The following PARVA variants were observed in gnomAD, a reference collection of about 807,000 sequenced individuals.
PARVA encodes the protein parvin alpha, also known as alpha-parvin.
In PARVA, 25 loss-of-function variants were observed where a neutral mutation model predicts 52.6. That is an observed-to-expected ratio of 0.48 (90% CI 0.35 to 0.66). The LOEUF is 0.66. Ranked by LOEUF, PARVA falls within the 30% of genes least tolerant of loss-of-function variation. The probability of loss-of-function intolerance (pLI) is 0.01; values close to 1 mark genes in which losing one functional copy is unlikely to be tolerated. For missense variants in PARVA, 373 were observed against 450.9 expected (o/e 0.83, Z 1.56); for synonymous variants, 185 against 179.1 (o/e 1.03, Z -0.26).
At chr11:12,473,642 T>A in intron 1 of PARVA, 103 bp from the exon 2 acceptor site, 1 of 827,692 alleles carries the variant, frequency 1.2e-6, no homozygotes, top group East Asian at 2.7e-5. Flanking sequence ...CTACCCTTAG[T>A]GGGTTTTTTT....
intron 10 of PARVA, among the ~76,000 whole-genome samples, chr11:12,517,303 A>ACCCCCCCCCCCCCC (rs1564869136): frequency 5.3e-5 from 6 of 112,482 alleles, no homozygotes; most frequent in South Asian, 7.3e-4. Flanking sequence ...AGCCACACTG[A>ACCCCCCCCCCCCCC]CCACCCCCCA....
intron 1 of PARVA, among the ~76,000 whole-genome samples, chr11:12,470,990 G>A (rs890711527): frequency 2.0e-5 from 3 of 152,200 alleles, no homozygotes; most frequent in Admixed American, 1.3e-4. Context: ...GAAGTGTTTG[G>A]AATTGGGTCC....
At chr11:12,432,934 G>A (rs568452955) in intron 1 of PARVA, among the ~76,000 whole-genome samples, 6 of 152,322 alleles carry the variant, frequency 3.9e-5, no homozygotes, top group South Asian at 4.1e-4. Flanking sequence ...TGTCGTAGCC[G>A]TGGTACTGAA....
At chr11:12,483,310 T>A (rs1267097914) in intron 4 of PARVA, among the ~76,000 whole-genome samples, 1 of 152,112 alleles carries the variant, frequency 6.6e-6, no homozygotes, top group East Asian at 1.9e-4. Flanking sequence ...GACAAGGATG[T>A]GGGTGGAGGA....
chr11:12,513,162 C>T, intron 8 of PARVA, 137 bp from the exon 9 acceptor site: 3 of 783,016 alleles, frequency 3.8e-6, no homozygotes, highest in Non-Finnish European at 2.3e-6. Context: ...GAGTTCCCGG[C>T]ACAGTCTATA....
intron 4 of PARVA, among the ~76,000 whole-genome samples, chr11:12,484,504 G>GGT (rs35501237): frequency 0.025 from 3,560 of 144,602 alleles, 139 homozygotes; most frequent in African/African-American, 0.086. Context: ...GTTTTGTTTT[G>GGT]GTGTGTGTGT....
chr11:12,400,842 CT>C (rs1344831999), intron 1 of PARVA, among the ~76,000 whole-genome samples: 1 of 152,122 alleles, frequency 6.6e-6, no homozygotes, highest in Non-Finnish European at 1.5e-5. Context: ...TTCTAGATGC[CT>C]GAACACAAAT....
chr11:12,513,957 G>C, intron 9 of PARVA, 40 bp from the exon 10 acceptor site: 1 of 1,547,880 alleles, frequency 6.5e-7, no homozygotes, highest in Non-Finnish European at 8.9e-7. Context: ...CTGCACTAGT[G>C]CGAGTCCCCA....
chr11:12,453,274 AG>A (rs1294268425), intron 1 of PARVA, among the ~76,000 whole-genome samples: 1 of 152,106 alleles, frequency 6.6e-6, no homozygotes, highest in African/African-American at 2.4e-5. Flanking sequence ...GAAGGGGTGA[AG>A]ATGAACAAAG....
At chr11:12,409,014 G>C (rs995925102) in intron 1 of PARVA, among the ~76,000 whole-genome samples, 2 of 152,238 alleles carry the variant, frequency 1.3e-5, no homozygotes, top group Admixed American at 1.3e-4. Context: ...GAGGACCTGG[G>C]AGAGGCCGAG....
At chr11:12,443,169 C>CTTTTTCT (rs1554896270) in intron 1 of PARVA, among the ~76,000 whole-genome samples, 14 of 78,328 alleles carry the variant, frequency 1.8e-4, no homozygotes, top group Non-Finnish European at 2.7e-4. Context: ...CGCCCCCCTT[C>CTTTTTCT]TTTTTTTTTT....
At chr11:12,445,435 C>A (rs1406142081) in intron 1 of PARVA, among the ~76,000 whole-genome samples, 2 of 152,122 alleles carry the variant, frequency 1.3e-5, no homozygotes, top group Non-Finnish European at 2.9e-5. Flanking sequence ...ATTGTCTCTC[C>A]CCTCTCTCCC....
At chr11:12,412,412 G>C (rs1007097925) in intron 1 of PARVA, among the ~76,000 whole-genome samples, 1 of 152,168 alleles carries the variant, frequency 6.6e-6, no homozygotes, top group African/African-American at 2.4e-5. Context: ...TTTTAAGGCC[G>C]TTTTCTCCCT....
chr11:12,508,124 C>CAAA (rs199719161), intron 6 of PARVA, among the ~76,000 whole-genome samples: 2 of 105,244 alleles, frequency 1.9e-5, no homozygotes, highest in Non-Finnish European at 4.2e-5. Flanking sequence ...AAAAAAAAAC[C>CAAA]AAAAAAAAAA....
intron 1 of PARVA, among the ~76,000 whole-genome samples, chr11:12,428,453 C>T (rs1940269317): frequency 6.6e-6 from 1 of 152,176 alleles, no homozygotes; most frequent in South Asian, 2.1e-4. Context: ...AGGGCTGGGG[C>T]CTGAGGACTG....
intron 1 of PARVA, among the ~76,000 whole-genome samples, chr11:12,444,177 G>A (rs1940511376): frequency 6.6e-6 from 1 of 152,166 alleles, no homozygotes; most frequent in African/African-American, 2.4e-5. Flanking sequence ...TAAGGATTTG[G>A]CAGAAGCGGA....
intron 1 of PARVA, among the ~76,000 whole-genome samples, chr11:12,440,350 A>G (rs987683199): frequency 6.6e-6 from 1 of 152,134 alleles, no homozygotes; most frequent in African/African-American, 2.4e-5. Flanking sequence ...TAAGGGGGAG[A>G]GTCCAGGTGG....
chr11:12,426,506 G>A (rs1413624311), intron 1 of PARVA, among the ~76,000 whole-genome samples: 1 of 151,900 alleles, frequency 6.6e-6, no homozygotes, highest in Non-Finnish European at 1.5e-5. Flanking sequence ...TATATTTTCA[G>A]AGATGTTTCA....
intron 7 of PARVA, among the ~76,000 whole-genome samples, chr11:12,511,168 T>C (rs1941497691): frequency 6.6e-6 from 1 of 152,176 alleles, no homozygotes; most frequent in African/African-American, 2.4e-5. Flanking sequence ...GTTGGAAATC[T>C]TCAGCCCCTG....
Sources: allele counts gnomAD v4.1 joint callset (sites outside exome capture counted in the v4.1 genomes callset), GRCh38; gene constraint gnomAD v4.1.1; transcripts MANE v1.5; gene names NCBI Gene and HGNC (gene_info 2026-07-23, HGNC 2026-07-21).